LPIN2: variants seen among roughly 807,000 people sequenced by gnomAD.
LPIN2 encodes phosphatidate phosphatase LPIN2.
Under a neutral mutation model 111.4 loss-of-function variants are expected in LPIN2, and 55 were observed. That is an observed-to-expected ratio of 0.49 (90% CI 0.40 to 0.62). LPIN2 has a LOEUF of 0.62. LPIN2 is among the 20% of genes least tolerant of loss of function. The probability of loss-of-function intolerance (pLI) is 0.00; values close to 1 mark genes in which losing one functional copy is unlikely to be tolerated. For missense variants in LPIN2, 992 were observed against 1,112.1 expected (o/e 0.89, Z 1.54); for synonymous variants, 425 against 414.0 (o/e 1.03, Z -0.32).
At chr18:2,930,548 G>A (rs1047346885) in intron 9 of LPIN2, among the ~76,000 whole-genome samples, 5 of 152,178 alleles carry the variant, frequency 3.3e-5, no homozygotes, top group African/African-American at 1.2e-4. Context: ...GAAGACAAAA[G>A]ATGACACTAG....
chr18:2,953,560 T>TA (rs2077568905), intron 3 of LPIN2, among the ~76,000 whole-genome samples: 1 of 152,202 alleles, frequency 6.6e-6, no homozygotes, highest in South Asian at 2.1e-4. Flanking sequence ...TACTGGTACC[T>TA]AAGTTGTTGG....
At chr18:2,950,698 A>C (rs1385259529) in intron 4 of LPIN2, 1 of 306,656 alleles carries the variant, frequency 3.3e-6, no homozygotes, top group Admixed American at 4.7e-5. Context: ...AAACATACCA[A>C]GCCTAAGGCC....
rs180705494 is a variant in LPIN2 at position 2,932,038 on chromosome 18, A to C, written c.1269-595T>G. Among the ~76,000 whole-genome samples, 262 of 152,348 alleles carry C rather than the reference A, an allele frequency of 1.7e-3. 1 individual carries two copies. Among genetic ancestry groups the C allele is most frequent in the African/African-American group, 6.2e-3 (257 of 41,586 alleles). On this transcript the variant is annotated intron_variant, in intron 8 of 19. Transcript: ENST00000677752. Reference sequence around the variant, plus strand: ...TGTATTCAGAAATAAACTGGATGTAACTGTTATTCCAGGAGCTAAAGATGA... The same window carrying C: ...TGTATTCAGAAATAAACTGGATGTACCTGTTATTCCAGGAGCTAAAGATGA...
intron 5 of LPIN2, among the ~76,000 whole-genome samples, chr18:2,940,372 C>T (rs1361508884): frequency 6.6e-6 from 1 of 151,896 alleles, no homozygotes; most frequent in African/African-American, 2.4e-5. Context: ...TGGCTAAATT[C>T]CATGCTGATT....
rs563470423 is a variant in LPIN2, at chr18:2,976,180, A to G, written c.-9-15331T>C. ...TAATATCACAGTTAACATTAACACA[A>G]TTAGGGAAGTTTAAAATGTCAAGTA... On this transcript the variant is annotated intron_variant, in intron 1 of 19. Coordinates refer to ENST00000677752, the MANE Select transcript of LPIN2 (RefSeq NM_001375808.2). Among the ~76,000 whole-genome samples the G allele has an allele frequency of 3.3e-4, 51 of 152,360 alleles. 2 individuals are homozygous for G. In the South Asian group the frequency reaches 6.8e-3, roughly 20 times the overall value.
At chr18:2,960,984 A>G (rs1365029525) in intron 1 of LPIN2, 135 bp from the exon 2 acceptor site, 1 of 757,430 alleles carries the variant, frequency 1.3e-6, no homozygotes, top group African/African-American at 1.7e-5. Context: ...TTAATTTTCA[A>G]CCTAACAGTC....
intron 2 of LPIN2, among the ~76,000 whole-genome samples, chr18:2,958,270 A>G (rs974903708): frequency 6.6e-6 from 1 of 151,968 alleles, no homozygotes; most frequent in Non-Finnish European, 1.5e-5. Flanking sequence ...TTACCTTCTA[A>G]AAGTAAACTC....
intron 1 of LPIN2, among the ~76,000 whole-genome samples, chr18:2,974,270 G>A (rs1478557291): frequency 6.6e-6 from 1 of 152,030 alleles, no homozygotes; most frequent in Non-Finnish European, 1.5e-5. Flanking sequence ...AGTAGAGATG[G>A]GGTTTCACCG....
chr18:2,958,179 A>AAAAAAAAAAAAAAAAAAAATTTTAT (rs2077651973), intron 2 of LPIN2, among the ~76,000 whole-genome samples: 1 of 147,380 alleles, frequency 6.8e-6, no homozygotes, highest in African/African-American at 2.5e-5. Flanking sequence ...AAAAACAGAA[A>AAAAAAAAAAAAAAAAAAAATTTTAT]AAAGAAAAAA....
chr18:2,973,037 A>C (rs578033695), intron 1 of LPIN2, among the ~76,000 whole-genome samples: 2 of 152,356 alleles, frequency 1.3e-5, no homozygotes, highest in South Asian at 4.1e-4. Context: ...ATAATTAATA[A>C]TGAAAGATAT....
chr18:2,954,212 C>T (rs968152438), intron 3 of LPIN2, among the ~76,000 whole-genome samples: 5 of 152,196 alleles, frequency 3.3e-5, no homozygotes, highest in Admixed American at 6.5e-5. Flanking sequence ...AGAAGCAACA[C>T]TAAGTAAGAA....
At position 2,929,146 on chromosome 18, in the gene LPIN2, T is replaced by C. The variant is rs1482402928; in HGVS notation, c.1469A>G (p.Glu490Gly). The C allele has an allele frequency of 6.2e-7, 1 of 1,600,862 alleles. No individual in the cohort carries two copies. Among genetic ancestry groups the C allele is most frequent in the African/African-American group, 1.3e-5 (1 of 74,638 alleles). Residue 490 changes from glutamate (E) to glycine (G), a missense_variant, in exon 10 of 20, where the codon GAG (glutamate) becomes GGG (glycine). Physicochemically the swap from Glu to Gly is moderately conservative, Grantham distance 98 (BLOSUM62 -2). This residue lies in a region of LPIN2 where 709 missense variants were observed against 753.2 expected (regional missense o/e 0.94). Coordinates refer to ENST00000677752, the MANE Select transcript of LPIN2 (RefSeq NM_001375808.2). ...AAATTCGTGATAAGTAATGATATGC[T>C]CCATGAATTTTTCTGCAATGTAAAA... ...NGEISKEKFM[E>G]HIITYHEFAE...
At chr18:2,983,944 T>C (rs589318) in intron 1 of LPIN2, among the ~76,000 whole-genome samples, 73,419 of 151,972 alleles carry the variant, frequency 0.48, 19,805 homozygotes, top group Non-Finnish European at 0.61. Context: ...AGGCAAGTTA[T>C]AGGTAAGGAA....
At chr18:2,943,882 T>C (rs2077404095) in intron 4 of LPIN2, among the ~76,000 whole-genome samples, 1 of 152,182 alleles carries the variant, frequency 6.6e-6, no homozygotes, top group Non-Finnish European at 1.5e-5. Flanking sequence ...ACTAAGTTAT[T>C]TGCTAATGGT....
At chr18:2,947,239 C>T (rs2077466995) in intron 4 of LPIN2, among the ~76,000 whole-genome samples, 1 of 152,140 alleles carries the variant, frequency 6.6e-6, no homozygotes, top group African/African-American at 2.4e-5. Flanking sequence ...GAAATATTTC[C>T]ATCGGTGGCA....
intron 1 of LPIN2, among the ~76,000 whole-genome samples, chr18:2,989,919 CA>C (rs35487621): frequency 0.76 from 94,920 of 124,118 alleles, 35,191 homozygotes; most frequent in East Asian, 0.91. Flanking sequence ...GACTCTGTCT[CA>C]AAAAAAAAAA....
At position 3,000,118 on chromosome 18, in the gene LPIN2, A is replaced by AAGGAGGAGG. The variant is rs113566510; in HGVS notation, c.-10+12960_-10+12968dup. Among the ~76,000 whole-genome samples the AAGGAGGAGG allele has an allele frequency of 6.1e-3, 879 of 144,270 alleles. 5 individuals carry two copies. The highest frequency in any genetic ancestry group is 0.021 in the African/African-American group (810 of 39,170). The allele number at this position is 144,270 out of a possible 152,430, so 94.6% of individuals were successfully genotyped here. On this transcript the variant is annotated intron_variant, in intron 1 of 19. Coordinates refer to ENST00000677752, the MANE Select transcript of LPIN2 (RefSeq NM_001375808.2). Reference sequence around the variant, plus strand: ...GGGGAAAGAGGGGAAGGAGGGGAAGAAGGAGGAGGAGGAGGAGGAGGAGAA... The same window carrying AAGGAGGAGG: ...GGGGAAAGAGGGGAAGGAGGGGAAGAAGGAGGAGGAGGAGGAGGAGGAGGAGGAGGAGAA...
chr18:2,978,401 A>G (rs986140137), intron 1 of LPIN2, among the ~76,000 whole-genome samples: 1 of 152,168 alleles, frequency 6.6e-6, no homozygotes, highest in Non-Finnish European at 1.5e-5. Context: ...TGACTCACTG[A>G]AAAGGACTTT....
Position 2,937,715 on chromosome 18 carries a change from A to C in LPIN2, c.1145T>G (p.Val382Gly), listed in dbSNP as rs751176955. 2.5e-6 allele frequency: 4 copies of C among 1,614,118 alleles called. No individual in the cohort carries two copies. Among genetic ancestry groups the C allele is most frequent in the Non-Finnish European group, 3.4e-6 (4 of 1,180,026 alleles). Reference sequence around the variant, plus strand: ...ACCTTTCTTCTTTGACGGCGAGTCTACTTTAGCTGCCGGTTTGGATTCTGA... The same window carrying C: ...ACCTTTCTTCTTTGACGGCGAGTCTCCTTTAGCTGCCGGTTTGGATTCTGA... ...APSESKPAAK[V>G]DSPSKKKGVH... The change falls in exon 7 of 20, where the codon GTA (valine) becomes GGA (glycine). Residue 382 changes from valine to glycine, a missense_variant. Val to Gly is a moderately radical substitution (Grantham distance 109, BLOSUM62 -3). This residue lies in a region of LPIN2 where 709 missense variants were observed against 753.2 expected (regional missense o/e 0.94). Coordinates refer to ENST00000677752, the MANE Select transcript of LPIN2 (RefSeq NM_001375808.2).
Sources: gnomAD v4.1 joint callset for allele counts (sites outside exome capture counted in the v4.1 genomes callset) on GRCh38, gnomAD v4.1.1 for gene constraint, gnomAD v4.1.1 regional missense constraint, MANE v1.5 for transcripts, NCBI Gene and HGNC (gene_info 2026-07-23, HGNC 2026-07-21) for gene names.